Variants in THAP10 observed in about 807,000 individuals in gnomAD.
THAP10 encodes THAP domain-containing protein 10.
In THAP10, 10 loss-of-function variants were observed where a neutral mutation model predicts 15.7. The ratio of observed to expected loss-of-function variants is 0.64; its 90% CI spans 0.39 to 1.08. The LOEUF (loss-of-function observed/expected upper bound fraction) is 1.08, where lower values mean the gene tolerates loss of function less well. Among genes scored for constraint, THAP10 ranks in the 50% least tolerant of loss-of-function variants. The pLI is 0.01. For synonymous variants in THAP10, 127 were observed against 129.1 expected, an observed-to-expected ratio of 0.98 and a Z score of 0.11; for missense variants, 310 against 330.9, an observed-to-expected ratio of 0.94 and a Z score of 0.49.
chr15:70,892,248 GGGCGGCCACACAACGGGCCGGCAT>G lies in THAP10; in HGVS notation c.1_24del (p.MetProAlaArgCysValAlaAla1_?8), dbSNP rs1567038397. 9 of 1,581,020 alleles carry G rather than the reference GGGCGGCCACACAACGGGCCGGCAT, an allele frequency of 5.7e-6. No homozygotes were observed. The Admixed American group carries it at 7.2e-5, about 13-fold the overall frequency. On this transcript the variant is annotated start_lost and inframe_deletion, in exon 1 of 3. Coordinates refer to ENST00000249861, the MANE Select transcript of THAP10 (RefSeq NM_020147.4). ...CCAGACTTGGTGGTGTTGCCGCAGT[GGGCGGCCACACAACGGGCCGGCAT>G]GGCGGCCGTCTTCGGTGCGCGGGAG...
At chr15:70,890,593 T>C (rs1471756156) in intron 1 of THAP10, among the ~76,000 whole-genome samples, 1 of 152,280 alleles carries the variant, frequency 6.6e-6, no homozygotes, top group East Asian at 1.9e-4. Context: ...TTCATGGCAA[T>C]TATGGTAAGT....
chr15:70,890,982 G>T (rs1312420941), intron 1 of THAP10, among the ~76,000 whole-genome samples: 1 of 152,096 alleles, frequency 6.6e-6, no homozygotes, highest in Non-Finnish European at 1.5e-5. Flanking sequence ...CCATTAAAGG[G>T]TCTTAAATAC....
chr15:70,886,537 A>G lies in THAP10; in HGVS notation c.430-3629T>C, dbSNP rs114442578. ...ATGAAAAAAAAATTCTAGAGAGATC[A>G]ACAAGGCAAAGTTTGTTCTTTGGAA... On this transcript the variant is annotated intron_variant, in intron 1 of 2. Coordinates refer to ENST00000249861, the MANE Select transcript of THAP10 (RefSeq NM_020147.4). 4.7e-3 allele frequency among the ~76,000 whole-genome samples: 723 copies of G among 152,338 alleles called. 9 individuals are homozygous for G. Among genetic ancestry groups the G allele is most frequent in the African/African-American group, 0.017 (704 of 41,582 alleles).
intron 1 of THAP10, among the ~76,000 whole-genome samples, chr15:70,883,377 A>G (rs1274653694): frequency 6.6e-6 from 1 of 152,024 alleles, no homozygotes; most frequent in Non-Finnish European, 1.5e-5. Flanking sequence ...TATTTTTAGT[A>G]GAAACAGGGT....
rs1275048703 is a variant in THAP10, at chr15:70,882,555, T to C, written c.673A>G (p.Ile225Val). The C allele has an allele frequency of 6.2e-7, 1 of 1,613,936 alleles. No individual in the cohort carries two copies. The highest frequency in any genetic ancestry group is 8.5e-7 in the Non-Finnish European group (1 of 1,179,848). Residue 225 changes from isoleucine (I) to valine (V), a missense_variant, in exon 3 of 3, where the codon ATT (isoleucine) becomes GTT (valine). Ile to Val is a conservative substitution (Grantham distance 29). Coordinates refer to ENST00000249861, the MANE Select transcript of THAP10 (RefSeq NM_020147.4). ...TCTGTTTCTGAATCACTGGAGTAAA[T>C]GTCAAAGAGAGAGGAAGTTCTAGAC... The part of the protein sequence containing the change: ...LWSRTSSLFD[I>V]YSSDSETDTD...
At position 70,882,903 on chromosome 15, in the gene THAP10, C is replaced by T. The variant is rs150853216; in HGVS notation, c.435G>A (p.Thr145=). ...AGKQAAASQI[T]CENELVQTQP... ...GGGTTTGCACAAGTTCATTTTCACACGTAATCTAAAAATACAAATCAGAGG... is the reference window on the plus strand; with the variant it reads ...GGGTTTGCACAAGTTCATTTTCACATGTAATCTAAAAATACAAATCAGAGG... Residue 145 remains threonine (T), a synonymous_variant, in exon 2 of 3, where the codon ACG becomes ACA. Coordinates refer to ENST00000249861, the MANE Select transcript of THAP10 (RefSeq NM_020147.4). 23 of 1,613,538 alleles carry T rather than the reference C, an allele frequency of 1.4e-5. No individual in the cohort carries two copies. Among genetic ancestry groups the T allele is most frequent in the African/African-American group, 8.0e-5 (6 of 74,880 alleles).
intron 1 of THAP10, among the ~76,000 whole-genome samples, chr15:70,891,567 C>CTGTG (rs3220843): frequency 0.052 from 7,094 of 136,846 alleles, 229 homozygotes; most frequent in Non-Finnish European, 0.065. Flanking sequence ...GGACAAGACT[C>CTGTG]TGTGTGTGTG....
Position 70,892,193 on chromosome 15 carries a change from C to G in THAP10, c.80G>C (p.Arg27Pro). Reference protein sequence around the residue: ...GKSLFRFPKDRAVRLLWDRFV... With the variant: ...GKSLFRFPKDPAVRLLWDRFV... ...GCGGTCCCAGAGCAGCCGCACGGCC[C>G]GGTCCTTGGGAAAGCGGAACAGCGA... is the stretch of plus-strand genomic sequence containing the variant. The change falls in exon 1 of 3, where the codon CGG (arginine) becomes CCG (proline). Residue 27 changes from arginine (R) to proline (P), a missense_variant. Physicochemically the swap from Arg to Pro is moderately radical, Grantham distance 103. Coordinates refer to ENST00000249861, the MANE Select transcript of THAP10 (RefSeq NM_020147.4). The G allele has an allele frequency of 4.4e-6, 7 of 1,608,190 alleles. No individual in the cohort carries two copies. Among genetic ancestry groups the G allele is most frequent in the Non-Finnish European group, 5.1e-6 (6 of 1,177,324 alleles).
chr15:70,882,878 G>T lies in THAP10; in HGVS notation c.460C>A (p.Gln154Lys). ...ITCENELVQT[Q>K]PHADNPSNTV... is the part of the protein sequence containing the mutation. ...TTAGATGGATTATCAGCATGGGGTT[G>T]GGTTTGCACAAGTTCATTTTCACAC... The change falls in exon 2 of 3, where the codon CAA becomes AAA. Residue 154 changes from glutamine to lysine, a missense_variant. By Grantham distance (53) the Gln-to-Lys change is moderately conservative. Transcript: ENST00000249861. 6.2e-7 allele frequency: 1 copy of T among 1,613,954 alleles called. No individual in the cohort carries two copies. The highest frequency in any genetic ancestry group is 2.2e-5 in the East Asian group (1 of 44,870).
At chr15:70,883,748 G>A (rs1235689884) in intron 1 of THAP10, among the ~76,000 whole-genome samples, 1 of 150,650 alleles carries the variant, frequency 6.6e-6, no homozygotes, top group Non-Finnish European at 1.5e-5. Flanking sequence ...TCCACCTCCC[G>A]GGTTCAAGCA....
intron 1 of THAP10, among the ~76,000 whole-genome samples, chr15:70,888,755 C>T (rs1303026749): frequency 6.6e-6 from 1 of 152,064 alleles, no homozygotes; most frequent in Non-Finnish European, 1.5e-5. Context: ...AATTCTAAAT[C>T]AACAAGAAAA....
At position 70,891,827 on chromosome 15, in the gene THAP10, C is replaced by T. The variant is rs775323252; in HGVS notation, c.429+17G>A. The T allele has an allele frequency of 9.1e-6, 14 of 1,543,702 alleles. No homozygotes were observed. Among genetic ancestry groups the T allele is most frequent in the African/African-American group, 4.1e-5 (3 of 73,148 alleles). On this transcript the variant is annotated intron_variant, in intron 1 of 2. Transcript: ENST00000249861. ...AGTCCAGGGGTCCTTACACAACCTTCGGTGGTCTCTCTTTACCTGTGAAGC... is the reference window on the plus strand; with the variant it reads ...AGTCCAGGGGTCCTTACACAACCTTTGGTGGTCTCTCTTTACCTGTGAAGC...
chr15:70,892,146 C>A lies in THAP10; in HGVS notation c.127G>T (p.Asp43Tyr). ...GAGCGGTCATTGCCTCCGTACCAGT[C>A]GGCGCGGCAACCCCGCACGAAGCGG... Reference protein sequence around the residue: ...WDRFVRGCRADWYGGNDRSVI... With the variant: ...WDRFVRGCRAYWYGGNDRSVI... The change falls in exon 1 of 3, where the codon GAC (aspartate) becomes TAC (tyrosine). Residue 43 changes from aspartate (D) to tyrosine (Y), a missense_variant. By Grantham distance (160) the Asp-to-Tyr change is radical. Transcript: ENST00000249861. 1 of 1,613,364 alleles carries A rather than the reference C, an allele frequency of 6.2e-7. No homozygotes were observed. The highest frequency in any genetic ancestry group is 8.5e-7 in the Non-Finnish European group (1 of 1,179,744).
At position 70,882,166 on chromosome 15, in the gene THAP10, T is replaced by A; in HGVS notation, c.*288A>T. The A allele has an allele frequency of 3.5e-6, 1 of 287,734 alleles. No individual in the cohort carries two copies. The highest frequency in any genetic ancestry group is 4.7e-5 in the Admixed American group (1 of 21,348). The allele number at this position is 287,734 out of a possible 1,614,324, so 17.8% of individuals were successfully genotyped here. A position where few individuals can be genotyped will look rare whatever the true frequency, so the allele number is the denominator to read the frequency against. ...TTAAACAAATATTCAATGCTTAATTTTGATTAGGAAGTGTTGCTGATATTG... is the reference window on the plus strand; with the variant it reads ...TTAAACAAATATTCAATGCTTAATTATGATTAGGAAGTGTTGCTGATATTG... On this transcript the variant is annotated 3_prime_UTR_variant, in exon 3 of 3. Coordinates refer to ENST00000249861, the MANE Select transcript of THAP10 (RefSeq NM_020147.4).
chr15:70,887,777 A>T (rs142587469), intron 1 of THAP10, among the ~76,000 whole-genome samples: 1,643 of 152,308 alleles, frequency 0.011, 31 homozygotes, highest in African/African-American at 0.037. Context: ...AAAAACACGA[A>T]TATCAAACGC....
intron 1 of THAP10, among the ~76,000 whole-genome samples, chr15:70,888,654 A>G (rs984908826): frequency 6.6e-6 from 1 of 152,172 alleles, no homozygotes; most frequent in Admixed American, 6.5e-5. Flanking sequence ...CAGTACATCA[A>G]AAGACATTAT....
At chr15:70,884,912 T>G in intron 1 of THAP10, among the ~76,000 whole-genome samples, 1 of 152,186 alleles carries the variant, frequency 6.6e-6, no homozygotes. Flanking sequence ...TGATGTTGTC[T>G]TTTTATGTGT....
chr15:70,888,384 T>TA (rs1317357348), intron 1 of THAP10, among the ~76,000 whole-genome samples: 2 of 152,204 alleles, frequency 1.3e-5, no homozygotes, highest in Non-Finnish European at 2.9e-5. Context: ...GCACTTGATT[T>TA]ATGACAAAGT....
intron 1 of THAP10, among the ~76,000 whole-genome samples, chr15:70,883,277 C>T (rs2033314751): frequency 6.6e-6 from 1 of 152,058 alleles, no homozygotes; most frequent in Non-Finnish European, 1.5e-5. Flanking sequence ...CTGCAATCTC[C>T]GCCTGCCGGG....
Sources: gnomAD v4.1 joint callset for allele counts (sites outside exome capture counted in the v4.1 genomes callset) on GRCh38, gnomAD v4.1.1 for gene constraint, MANE v1.5 for transcripts, NCBI Gene and HGNC (gene_info 2026-07-23, HGNC 2026-07-21) for gene names.